Variants in HTR3E observed in about 807,000 individuals in gnomAD.
HTR3E encodes 5-hydroxytryptamine receptor 3E, also known as 5-hydroxytryptamine (serotonin) receptor 3, family member E.
Under a neutral mutation model 38.0 loss-of-function variants are expected in HTR3E, and 38 were observed. The observed-to-expected ratio is 1.00, with a 90% CI of 0.77 to 1.31. The LOEUF (loss-of-function observed/expected upper bound fraction) is 1.31, where lower values mean the gene tolerates loss of function less well. HTR3E is among the 50% of genes most tolerant of loss of function. The pLI is 0.00. For synonymous variants in HTR3E, 210 were observed against 232.9 expected (o/e 0.90, Z 0.89); for missense variants, 547 against 585.2 (o/e 0.93, Z 0.67).
At chr3:184,099,902 A>G (rs1297876497) in intron 1 of HTR3E, among the ~76,000 whole-genome samples, 1 of 152,092 alleles carries the variant, frequency 6.6e-6, no homozygotes, top group East Asian at 1.9e-4. Context: ...GGGCCCCGGG[A>G]CTGTAATCCT....
At position 184,105,767 on chromosome 3, in the gene HTR3E, G is replaced by A. The variant is rs780465095; in HGVS notation, c.723G>A (p.Val241=). 1.2e-6 allele frequency: 2 copies of A among 1,613,430 alleles called. No individual in the cohort carries two copies. The highest frequency in any genetic ancestry group is 1.1e-5 in the South Asian group (1 of 91,062). ...ACCACCCTCTCCTACCCCACCAGGT[G>A]GCCATCAGGCGCAGGCCCAGTCTCT... The part of the protein sequence containing the change: ...GNLYDQIVFY[V]AIRRRPSLYV... Residue 241 remains valine, a splice_region_variant and synonymous_variant, in exon 7 of 9, where the codon GTG becomes GTA. Coordinates refer to ENST00000415389, the MANE Select transcript of HTR3E (RefSeq NM_001256613.2).
At position 184,097,379 on chromosome 3, in the gene HTR3E, C is replaced by T; in HGVS notation, c.-151C>T. 1.6e-6 allele frequency: 1 copy of T among 621,368 alleles called. No individual in the cohort carries two copies. Among genetic ancestry groups the T allele is most frequent in the Non-Finnish European group, 2.8e-6 (1 of 353,596 alleles). The allele number at this position is 621,368 out of a possible 1,614,324, so 38.5% of individuals were successfully genotyped here. A position where few individuals can be genotyped will look rare whatever the true frequency, so the allele number is the denominator to read the frequency against. On this transcript the variant is annotated 5_prime_UTR_variant, in exon 1 of 9. Coordinates refer to ENST00000415389, the MANE Select transcript of HTR3E (RefSeq NM_001256613.2). ...TTAAGCATAGGCAAGAACAAGACAA[C>T]CAGAACACTCTTTGAAGGAAGGTTA... is the stretch of plus-strand genomic sequence containing the variant.
At chr3:184,104,334 T>C in intron 4 of HTR3E, 43 bp downstream of exon 4, 3 of 1,573,660 alleles carry the variant, frequency 1.9e-6, no homozygotes, top group Non-Finnish European at 2.6e-6. Context: ...CATCTCCTGG[T>C]AGCCACAGAG....
At chr3:184,103,700 G>A (rs1471273611) in intron 3 of HTR3E, among the ~76,000 whole-genome samples, 2 of 151,620 alleles carry the variant, frequency 1.3e-5, no homozygotes, top group Non-Finnish European at 2.9e-5. Flanking sequence ...AGGAGGCTGA[G>A]GCAGGAGAAT....
intron 2 of HTR3E, 110 bp downstream of exon 2, chr3:184,100,761 T>G: frequency 1.4e-6 from 2 of 1,465,392 alleles, no homozygotes; most frequent in Non-Finnish European, 1.8e-6. Flanking sequence ...CCACCACTGC[T>G]GGATGGCATT....
chr3:184,105,796 T>C lies in HTR3E; in HGVS notation c.752T>C (p.Val251Ala), dbSNP rs775236959. The C allele has an allele frequency of 2.5e-6, 4 of 1,614,184 alleles. No homozygotes were observed. Among genetic ancestry groups the C allele is most frequent in the Non-Finnish European group, 8.5e-7 (1 of 1,180,036 alleles). The change falls in exon 7 of 9, where the codon GTC becomes GCC. Residue 251 changes from valine to alanine, a missense_variant. By Grantham distance (64) the Val-to-Ala change is moderately conservative. Coordinates refer to ENST00000415389, the MANE Select transcript of HTR3E (RefSeq NM_001256613.2). ...VAIRRRPSLY[V>A]INLLVPSGFL... ...ATCAGGCGCAGGCCCAGTCTCTATGTCATAAACCTTCTCGTGCCCAGTGGC... is the reference window on the plus strand; with the variant it reads ...ATCAGGCGCAGGCCCAGTCTCTATGCCATAAACCTTCTCGTGCCCAGTGGC...
At position 184,101,565 on chromosome 3, in the gene HTR3E, A is replaced by T. The variant is rs1712047446; in HGVS notation, c.279+36A>T. ...CACTTTATTCTCTCCCTACAGTTAC[A>T]GTCAAAAAGGATTTTAAACGAAGAT... is the stretch of plus-strand genomic sequence containing the variant. On this transcript the variant is annotated intron_variant, in intron 3 of 8. Transcript: ENST00000415389. 7.2e-6 allele frequency: 11 copies of T among 1,521,434 alleles called. No homozygotes were observed. The East Asian group carries it at 2.5e-4, about 34-fold the overall frequency. 94.2% of individuals were successfully genotyped at this position (1,521,434 alleles called of 1,614,324 possible).
intron 1 of HTR3E, among the ~76,000 whole-genome samples, chr3:184,098,152 G>A (rs544250837): frequency 3.3e-4 from 50 of 152,302 alleles, no homozygotes; most frequent in Non-Finnish European, 6.0e-4. Flanking sequence ...AAAGTAGAAT[G>A]TGCTTCTCTT....
intron 2 of HTR3E, 22 bp downstream of exon 2, chr3:184,100,673 C>A: frequency 6.2e-7 from 1 of 1,607,818 alleles, no homozygotes; most frequent in African/African-American, 1.3e-5. Flanking sequence ...CCTCTCTAGC[C>A]CTCCTTGGTG....
In HTR3E at chr3:184,106,798, A is replaced by G; in HGVS notation, c.*105A>G. 8.8e-7 allele frequency: 1 copy of G among 1,139,120 alleles called. No homozygotes were observed. The highest frequency in any genetic ancestry group is 1.5e-5 in the African/African-American group (1 of 64,878). 70.6% of individuals were successfully genotyped at this position (1,139,120 alleles called of 1,614,324 possible). A position where few individuals can be genotyped will look rare whatever the true frequency, so the allele number is the denominator to read the frequency against. ...ACCAACTATCATATCCCCAAAGATGACTGAGTCTCTGCTGTATTCCATGTA... is the reference window on the plus strand; with the variant it reads ...ACCAACTATCATATCCCCAAAGATGGCTGAGTCTCTGCTGTATTCCATGTA... On this transcript the variant is annotated 3_prime_UTR_variant, in exon 9 of 9. Transcript: ENST00000415389. This position sits in a 1 kb window ranked among gnomAD's most constrained non-coding sequence, Gnocchi z 4.1.
intron 6 of HTR3E, 105 bp from the exon 7 acceptor site, chr3:184,105,660 A>C: frequency 9.5e-7 from 1 of 1,057,722 alleles, no homozygotes; most frequent in Non-Finnish European, 1.4e-6. Flanking sequence ...CCAGGGTGAT[A>C]TCAGGCCAAA....
chr3:184,105,962 C>G lies in HTR3E; in HGVS notation c.918C>G (p.Pro306=), dbSNP rs191194809. The change falls in exon 7 of 9, where the codon CCC becomes CCG. Residue 306 remains proline, a synonymous_variant. Coordinates refer to ENST00000415389, the MANE Select transcript of HTR3E (RefSeq NM_001256613.2). Reference sequence around the variant, plus strand: ...ACTTGCTCCCCACCAGTGGCACCCCCCTCATCGGTATGGCTCCTCCCACCT... The same window carrying G: ...ACTTGCTCCCCACCAGTGGCACCCCGCTCATCGGTATGGCTCCTCCCACCT... ...MSDLLPTSGT[P]LIGVYFALCL... 35 of 1,614,166 alleles carry G rather than the reference C, an allele frequency of 2.2e-5. No individual in the cohort carries two copies. The Admixed American group carries it at 3.8e-4, about 18-fold the overall frequency.
chr3:184,104,428 AG>A, intron 4 of HTR3E, 137 bp downstream of exon 4: 1 of 1,362,188 alleles, frequency 7.3e-7, no homozygotes, highest in South Asian at 1.5e-5. Flanking sequence ...AAACTGAGCC[AG>A]GCGCAGTGGC....
Position 184,105,329 on chromosome 3 carries a change from A to G in HTR3E, c.622A>G (p.Ile208Val). ...GGAAATAACAGACGCATCCCGGAAC[A>G]TCCTTCAGACCCATGGAGAATGGGA... ...VWEITDASRN[I>V]LQTHGEWELL... The change falls in exon 6 of 9, where the codon ATC (isoleucine) becomes GTC (valine). Residue 208 changes from isoleucine to valine, a missense_variant. Physicochemically the swap from Ile to Val is conservative, Grantham distance 29. Coordinates refer to ENST00000415389, the MANE Select transcript of HTR3E (RefSeq NM_001256613.2). 2.5e-6 allele frequency: 4 copies of G among 1,614,194 alleles called. No individual in the cohort carries two copies. Among genetic ancestry groups the G allele is most frequent in the South Asian group, 2.2e-5 (2 of 91,078 alleles).
chr3:184,103,847 T>C (rs1453789854), intron 3 of HTR3E, among the ~76,000 whole-genome samples: 2 of 151,284 alleles, frequency 1.3e-5, no homozygotes, highest in East Asian at 3.9e-4. Flanking sequence ...AAGAAAAGCC[T>C]GCTTGGAGGA....
rs548823250 is a variant in HTR3E at position 184,106,167 on chromosome 3, G to A, written c.965G>A (p.Ser322Asn). 3.4e-5 allele frequency: 55 copies of A among 1,612,942 alleles called. No homozygotes were observed. Among genetic ancestry groups the A allele is most frequent in the Non-Finnish European group, 4.6e-5 (54 of 1,180,010 alleles). Residue 322 changes from serine to asparagine, a missense_variant, in exon 8 of 9, where the codon AGC becomes AAC. Ser to Asn is a conservative substitution (Grantham distance 46). Coordinates refer to ENST00000415389, the MANE Select transcript of HTR3E (RefSeq NM_001256613.2). This position sits in a 1 kb window ranked among gnomAD's most constrained non-coding sequence, Gnocchi z 4.1. ...FALCLSLMVG[S>N]LLETIFITHL... ...CTGTGCCTGTCCCTGATGGTGGGCA[G>A]CCTGCTGGAGACCATCTTCATCACC...
chr3:184,104,443 T>G, intron 4 of HTR3E, 152 bp downstream of exon 4: 1 of 1,259,600 alleles, frequency 7.9e-7, no homozygotes, highest in Non-Finnish European at 1.1e-6. Context: ...CAGTGGCTAA[T>G]GCCTGTAATC....
intron 4 of HTR3E, 95 bp from the exon 5 acceptor site, chr3:184,104,692 G>A: frequency 1.7e-6 from 2 of 1,144,320 alleles, no homozygotes; most frequent in Non-Finnish European, 2.4e-6. Context: ...ACTCCAGCCT[G>A]GGTGACAGAG....
chr3:184,105,220 A>G, intron 5 of HTR3E, 47 bp from the exon 6 acceptor site: 1 of 1,552,976 alleles, frequency 6.4e-7, no homozygotes, highest in Non-Finnish European at 8.7e-7. Context: ...TTGAGCCACC[A>G]GGAAACTATC....
Sources: gnomAD v4.1 joint callset for allele counts (sites outside exome capture counted in the v4.1 genomes callset) on GRCh38, gnomAD v4.1.1 for gene constraint, Gnocchi (gnomAD v3.1) non-coding constraint, MANE v1.5 for transcripts, NCBI Gene and HGNC (gene_info 2026-07-23, HGNC 2026-07-21) for gene names.